Variants in MELTF observed in about 807,000 individuals in gnomAD.
MELTF encodes melanotransferrin, also known as antigen p97 (melanoma associated) identified by monoclonal antibodies 133.2 and 96.5.
In MELTF, 67 loss-of-function variants were observed where a neutral mutation model predicts 83.7. The observed-to-expected ratio is 0.80, with a 90% CI of 0.66 to 0.98. The LOEUF (loss-of-function observed/expected upper bound fraction) is 0.98, where lower values mean the gene tolerates loss of function less well. Ranked by LOEUF, MELTF falls within the 50% of genes least tolerant of loss-of-function variation. MELTF has a pLI of 0.00. For synonymous variants in MELTF, 462 were observed against 447.6 expected, an observed-to-expected ratio of 1.03 and a Z score of -0.41; for missense variants, 1,002 against 1,035.6, an observed-to-expected ratio of 0.97 and a Z score of 0.44.
intron 9 of MELTF, among the ~76,000 whole-genome samples, chr3:197,014,542 C>T (rs1719294242): frequency 6.6e-6 from 1 of 152,008 alleles, no homozygotes; most frequent in African/African-American, 2.4e-5. Flanking sequence ...TGTGTGCCAC[C>T]ATGCTCGGCT....
rs144443565 is a variant in MELTF at position 197,025,044 on chromosome 3, C to T, written c.305-559G>A. ...TAGCGATGTGGCCCCAAGTCGCTCA[C>T]GACCCTGAATGCTGCAGGGTGTGTG... On this transcript the variant is annotated intron_variant, in intron 3 of 15. Coordinates refer to ENST00000296350, the MANE Select transcript of MELTF (RefSeq NM_005929.6). Among the ~76,000 whole-genome samples the T allele has an allele frequency of 5.4e-4, 83 of 152,320 alleles. 1 individual carries two copies. The highest frequency in any genetic ancestry group is 1.8e-3 in the African/African-American group (73 of 41,566).
chr3:197,017,794 GT>G (rs2148586355), intron 6 of MELTF, among the ~76,000 whole-genome samples: 1 of 152,144 alleles, frequency 6.6e-6, no homozygotes, highest in Non-Finnish European at 1.5e-5. Context: ...GGAGAATGGT[GT>G]GAACCTGGGA....
intron 8 of MELTF, 68 bp from the exon 9 acceptor site, chr3:197,015,584 C>T: frequency 6.6e-7 from 1 of 1,510,544 alleles, no homozygotes; most frequent in South Asian, 1.3e-5. Context: ...GAGTCGGACC[C>T]AAGGGAAATT....
At position 197,015,510 on chromosome 3, in the gene MELTF, G is replaced by C. The variant is rs761245294; in HGVS notation, c.1088C>G (p.Pro363Arg). Residue 363 changes from proline to arginine, a missense_variant, in exon 9 of 16, where the codon CCC becomes CGC. Physicochemically the swap from Pro to Arg is moderately radical, Grantham distance 103 (BLOSUM62 -2). Coordinates refer to ENST00000296350, the MANE Select transcript of MELTF (RefSeq NM_005929.6). The stretch of plus-strand genomic sequence containing the variant: ...GAGCACACACCAGCGCAGGTAGGGG[G>C]GCAGCCCTGGGGTGGGGCAAGCAAG... Reference protein sequence around the residue: ...KGLLCDPNRLPPYLRWCVLST... With the variant: ...KGLLCDPNRLRPYLRWCVLST... 73 of 1,610,054 alleles carry C rather than the reference G, an allele frequency of 4.5e-5. No individual in the cohort carries two copies. The highest frequency in any genetic ancestry group is 6.1e-5 in the Non-Finnish European group (72 of 1,178,334).
Position 197,029,727 on chromosome 3 carries a change from C to A in MELTF, c.-25G>T, listed in dbSNP as rs752407717. On this transcript the variant is annotated 5_prime_UTR_variant, in exon 1 of 16. Transcript: ENST00000296350. This position sits in a 1 kb window ranked among gnomAD's most constrained non-coding sequence, Gnocchi z 6.5. ...TGGCGCCGTCGGGGCTGGCTGGGGC[C>A]GGGCTGGGGCTGGGTCCGGGTCCGA... 3.2e-6 allele frequency: 4 copies of A among 1,231,622 alleles called. No individual in the cohort carries two copies. The highest frequency in any genetic ancestry group is 3.1e-4 in the Middle Eastern group (1 of 3,216). 76.3% of individuals were successfully genotyped at this position (1,231,622 alleles called of 1,614,324 possible).
Position 197,008,789 on chromosome 3 carries a change from C to G in MELTF, c.1682+20G>C. 1.2e-6 allele frequency: 2 copies of G among 1,614,022 alleles called. No individual in the cohort carries two copies. The highest frequency in any genetic ancestry group is 1.1e-5 in the South Asian group (1 of 91,056). On this transcript the variant is annotated intron_variant, in intron 12 of 15. Coordinates refer to ENST00000296350, the MANE Select transcript of MELTF (RefSeq NM_005929.6). This position sits in a 1 kb window ranked among gnomAD's most constrained non-coding sequence, Gnocchi z 5.4. Reference sequence around the variant, plus strand: ...CCCAGCCTCTGCACACAGCCCCAGACTGCCAGGCCACCCGGGTACCTGAAG... The same window carrying G: ...CCCAGCCTCTGCACACAGCCCCAGAGTGCCAGGCCACCCGGGTACCTGAAG...
At position 197,008,107 on chromosome 3, in the gene MELTF, G is replaced by A. The variant is rs976275849; in HGVS notation, c.1750+550C>T. Among the ~76,000 whole-genome samples, 1 of 152,152 alleles carries A rather than the reference G, an allele frequency of 6.6e-6. No individual in the cohort carries two copies. The highest frequency in any genetic ancestry group is 1.5e-5 in the Non-Finnish European group (1 of 68,028). ...GCTCTGATAGGACCATGTATGTACT[G>A]GGGTCCCGGAGCAGAGCGTTCCTGA... On this transcript the variant is annotated intron_variant, in intron 13 of 15. Transcript: ENST00000296350. The surrounding 1 kb of genome is among the most constrained non-coding windows in gnomAD (Gnocchi z 5.4).
chr3:197,013,292 G>A (rs1268480093), intron 9 of MELTF, among the ~76,000 whole-genome samples: 2 of 152,190 alleles, frequency 1.3e-5, no homozygotes, highest in East Asian at 3.8e-4. Flanking sequence ...TTCAGTGGAC[G>A]CTGCTGGGAA....
At chr3:197,017,029 C>T in intron 7 of MELTF, 74 bp downstream of exon 7, 1 of 1,512,330 alleles carries the variant, frequency 6.6e-7, no homozygotes, top group African/African-American at 1.4e-5. Context: ...CTCCTGGTCC[C>T]ACCCTGCTGA....
chr3:197,003,218 A>AGC lies in MELTF; in HGVS notation c.*153_*154insGC. ...GGGCGGCGCCTCAGGTAGCAGCGCC[A>AGC]GGTGGCGCCCGTGGGCGGCGGGGCT... On this transcript the variant is annotated 3_prime_UTR_variant, in exon 16 of 16. Transcript: ENST00000296350. The surrounding 1 kb of genome is among the most constrained non-coding windows in gnomAD (Gnocchi z 6.2). 1 of 826,286 alleles carries AGC rather than the reference A, an allele frequency of 1.2e-6. No individual in the cohort carries two copies. Among genetic ancestry groups the AGC allele is most frequent in the Non-Finnish European group, 1.5e-6 (1 of 679,934 alleles). 51.2% of individuals were successfully genotyped at this position (826,286 alleles called of 1,614,324 possible). A position where few individuals can be genotyped will look rare whatever the true frequency, so the allele number is the denominator to read the frequency against.
Position 197,024,580 on chromosome 3 carries a change from T to TGCACGGA in MELTF, c.305-102_305-96dup, listed in dbSNP as rs1443689541. On this transcript the variant is annotated intron_variant, in intron 3 of 15. Transcript: ENST00000296350. The surrounding 1 kb of genome is among the most constrained non-coding windows in gnomAD (Gnocchi z 5.3). ...CTGGGCGGGCTGTGGGAGAGGTGTG[T>TGCACGGA]GCACGGAGCACGGCTGTACACACGG... 1 of 1,143,810 alleles carries TGCACGGA rather than the reference T, an allele frequency of 8.7e-7. No homozygotes were observed. Among genetic ancestry groups the TGCACGGA allele is most frequent in the Non-Finnish European group, 1.2e-6 (1 of 805,750 alleles). The allele number at this position is 1,143,810 out of a possible 1,614,324, so 70.9% of individuals were successfully genotyped here. A position where few individuals can be genotyped will look rare whatever the true frequency, so the allele number is the denominator to read the frequency against.
intron 14 of MELTF, among the ~76,000 whole-genome samples, chr3:197,005,235 G>T (rs537782625): frequency 7.9e-5 from 12 of 152,226 alleles, no homozygotes; most frequent in Non-Finnish European, 1.5e-4. Context: ...TGTAGAGCAC[G>T]AGAGGAAGAC....
chr3:197,014,911 ATTAT>A (rs950181644), intron 9 of MELTF, among the ~76,000 whole-genome samples: 3 of 152,206 alleles, frequency 2.0e-5, no homozygotes, highest in African/African-American at 7.2e-5. Flanking sequence ...ATGCACAATT[ATTAT>A]TTGTCTATTT....
In MELTF at chr3:197,024,383, C is replaced by T. The variant is rs757171369; in HGVS notation, c.407G>A (p.Arg136His). ...GVKSCHTGIN[R>H]TVGWNVPVGY... ...CACGGGCACGTTCCAGCCCACTGTGCGATTGATGCCCGTGTGGCAGGACTT... is the reference window on the plus strand; with the variant it reads ...CACGGGCACGTTCCAGCCCACTGTGTGATTGATGCCCGTGTGGCAGGACTT... The change falls in exon 4 of 16, where the codon CGC (arginine) becomes CAC (histidine). Residue 136 changes from arginine to histidine, a missense_variant. By Grantham distance (29) the Arg-to-His change is conservative. Transcript: ENST00000296350. The surrounding 1 kb of genome is among the most constrained non-coding windows in gnomAD (Gnocchi z 5.3). 1.4e-5 allele frequency: 22 copies of T among 1,610,048 alleles called. No individual in the cohort carries two copies. The highest frequency in any genetic ancestry group is 1.9e-4 in the Middle Eastern group (1 of 5,286).
In MELTF at chr3:197,009,679, G is replaced by T. The variant is rs1464865670; in HGVS notation, c.1464C>A (p.Val488=). 6.2e-7 allele frequency: 1 copy of T among 1,613,832 alleles called. No homozygotes were observed. ...CTCTCTGAATAAGGGCACCCACGGG[G>T]ACATCCCAGCCTGCAGGGCTGCCGA... ...AGFGSPAGWD[V]PVGALIQRGF... Residue 488 remains valine, a synonymous_variant, in exon 11 of 16, where the codon GTC becomes GTA. Transcript: ENST00000296350.
chr3:197,002,307 C>A lies in MELTF; in HGVS notation c.*1065G>T, dbSNP rs543628452. The A allele has an allele frequency of 6.6e-6, 1 of 152,320 alleles. No homozygotes were observed. Among genetic ancestry groups the A allele is most frequent in the African/African-American group, 2.4e-5 (1 of 41,472 alleles). The allele number at this position is 152,320 out of a possible 1,614,324, so 9.4% of individuals were successfully genotyped here. On this transcript the variant is annotated 3_prime_UTR_variant, in exon 16 of 16. Coordinates refer to ENST00000296350, the MANE Select transcript of MELTF (RefSeq NM_005929.6). Reference sequence around the variant, plus strand: ...TGACGAGGGCTGCCTGCTCCCATTTCTTCTCTTCCTCTTCATTTTTTTTAA... The same window carrying A: ...TGACGAGGGCTGCCTGCTCCCATTTATTCTCTTCCTCTTCATTTTTTTTAA...
Position 197,008,892 on chromosome 3 carries a change from T to C in MELTF, c.1599A>G (p.Ala533=), listed in dbSNP as rs147554015. 1.3e-3 allele frequency: 2,097 copies of C among 1,614,120 alleles called. 12 individuals carry two copies. In the Middle Eastern group the frequency reaches 0.023, roughly 18 times the overall value. The change falls in exon 12 of 16, where the codon GCA becomes GCG. Residue 533 remains alanine (A), a synonymous_variant. Transcript: ENST00000296350. This position sits in a 1 kb window ranked among gnomAD's most constrained non-coding sequence, Gnocchi z 5.4. Reference sequence around the variant, plus strand: ...GGCCCTGCTCGTCCCCCACGCACAGTGCACACAGCGAGGAGGGGTAGTTCT... The same window carrying C: ...GGCCCTGCTCGTCCCCCACGCACAGCGCACACAGCGAGGAGGGGTAGTTCT... ...NPKNYPSSLC[A]LCVGDEQGRN... is the part of the protein sequence containing the mutation.
intron 6 of MELTF, among the ~76,000 whole-genome samples, chr3:197,020,155 G>A (rs1041750815): frequency 9.9e-5 from 15 of 152,130 alleles, no homozygotes; most frequent in African/African-American, 2.9e-4. Flanking sequence ...TAAAATAACC[G>A]GCCTGATGCT....
intron 3 of MELTF, chr3:197,025,502 C>T (rs1719816861): frequency 6.6e-6 from 1 of 152,372 alleles, no homozygotes; most frequent in African/African-American, 2.4e-5. Context: ...CTGTCCTGCC[C>T]TTCCCTTTTC....
Sources: allele counts gnomAD v4.1 joint callset (sites outside exome capture counted in the v4.1 genomes callset), GRCh38; gene constraint gnomAD v4.1.1; non-coding constraint Gnocchi (gnomAD v3.1); transcripts MANE v1.5; gene names NCBI Gene and HGNC (gene_info 2026-07-23, HGNC 2026-07-21).